Variants in MXRA7 observed in about 807,000 individuals in gnomAD.
The protein encoded by MXRA7 is matrix-remodeling-associated protein 7.
A neutral mutation model predicts 17.4 loss-of-function variants in MXRA7; 18 were observed. The observed-to-expected ratio is 1.03, with a 90% CI of 0.71 to 1.53. The LOEUF (loss-of-function observed/expected upper bound fraction) is 1.53. Among genes scored for constraint, MXRA7 ranks in the 40% most tolerant of loss-of-function variants. MXRA7 has a pLI of 0.00. For synonymous variants in MXRA7, 70 were observed against 101.7 expected, an observed-to-expected ratio of 0.69 and a Z score of 1.87; for missense variants, 141 against 209.3, an observed-to-expected ratio of 0.67 and a Z score of 2.01.
intron 1 of MXRA7, among the ~76,000 whole-genome samples, chr17:76,691,019 T>G (rs527668079): frequency 6.6e-6 from 1 of 152,332 alleles, no homozygotes; most frequent in South Asian, 2.1e-4. Flanking sequence ...GAGTGTCTTT[T>G]GTTCTAATGA....
intron 1 of MXRA7, among the ~76,000 whole-genome samples, chr17:76,696,121 A>T (rs187374722): frequency 1.3e-5 from 2 of 152,154 alleles, no homozygotes; most frequent in Non-Finnish European, 2.9e-5. Context: ...AGAAAGAAAC[A>T]GTGTGCAGAA....
Position 76,680,782 on chromosome 17 carries a change from T to A in MXRA7, c.*85A>T. 1.3e-6 allele frequency: 2 copies of A among 1,554,324 alleles called. No individual in the cohort carries two copies. The highest frequency in any genetic ancestry group is 1.7e-6 in the Non-Finnish European group (2 of 1,150,726). On this transcript the variant is annotated 3_prime_UTR_variant, in exon 4 of 4. Transcript: ENST00000449428. ...ATGCACCCTGGGAGCCTGCCCAGAC[T>A]CCTCTCTGGGGTTTCCGTTTTATCT... is the stretch of plus-strand genomic sequence containing the variant.
chr17:76,674,157 T>A (rs1052045163), exon 4 of MXRA7: 39 of 152,148 alleles, frequency 2.6e-4, no homozygotes, highest in African/African-American at 9.2e-4. Context: ...TCCATTGGGA[T>A]TGGCTTCTGT....
intron 3 of MXRA7, among the ~76,000 whole-genome samples, chr17:76,683,600 C>G (rs1039290520): frequency 2.0e-5 from 3 of 152,236 alleles, no homozygotes; most frequent in Non-Finnish European, 2.9e-5. Flanking sequence ...AACCTGCCGG[C>G]CCATTAGGCC....
intron 2 of MXRA7, among the ~76,000 whole-genome samples, chr17:76,685,925 G>A (rs1262916831): frequency 3.3e-5 from 5 of 152,224 alleles, no homozygotes; most frequent in Non-Finnish European, 5.9e-5. Context: ...AATCCAGCAG[G>A]TGTCGGGCAG....
chr17:76,692,559 T>A (rs1881175333), intron 1 of MXRA7, among the ~76,000 whole-genome samples: 1 of 151,674 alleles, frequency 6.6e-6, no homozygotes, highest in South Asian at 2.1e-4. Context: ...GGCCTGGAAG[T>A]CTGATTTTTA....
chr17:76,680,866 G>T lies in MXRA7; in HGVS notation c.*1C>A. On this transcript the variant is annotated 3_prime_UTR_variant, in exon 4 of 4. Transcript: ENST00000449428. ...TTAGGAGGACGCTAAGGATAACTTC[G>T]TTATTCTTCAGTTCTGTAAAGAGAA... is the stretch of plus-strand genomic sequence containing the variant. 6.2e-7 allele frequency: 1 copy of T among 1,610,096 alleles called. No individual in the cohort carries two copies. The highest frequency in any genetic ancestry group is 2.2e-5 in the East Asian group (1 of 44,840).
At chr17:76,708,045 T>C (rs1231537244) in intron 1 of MXRA7, among the ~76,000 whole-genome samples, 1 of 152,216 alleles carries the variant, frequency 6.6e-6, no homozygotes, top group Non-Finnish European at 1.5e-5. Flanking sequence ...ACTGATCTCA[T>C]CCCCATTTCT....
chr17:76,677,701 C>T (rs751375441), downstream of MXRA7: 27 of 1,611,910 alleles, frequency 1.7e-5, no homozygotes, highest in East Asian at 2.2e-4. Flanking sequence ...TCCTTCTGAA[C>T]TCTGTCGAGA....
intron 3 of MXRA7, 132 bp downstream of exon 3, chr17:76,684,939 GT>G: frequency 1.3e-6 from 1 of 742,142 alleles, no homozygotes; most frequent in Non-Finnish European, 2.3e-6. Flanking sequence ...TGGGGCGGTG[GT>G]TGGGCAGAGC....
intron 2 of MXRA7, among the ~76,000 whole-genome samples, chr17:76,685,957 C>T: frequency 6.6e-6 from 1 of 152,182 alleles, no homozygotes; most frequent in East Asian, 1.9e-4. Flanking sequence ...CTCTTATCGA[C>T]CTCCACTAAC....
intron 1 of MXRA7, among the ~76,000 whole-genome samples, chr17:76,701,392 G>A (rs868826939): frequency 5.3e-5 from 8 of 151,886 alleles, no homozygotes; most frequent in African/African-American, 1.2e-4. Flanking sequence ...GAGGAATGCC[G>A]GGTGGAGGGG....
chr17:76,707,195 G>A (rs1337233673), intron 1 of MXRA7, among the ~76,000 whole-genome samples: 1 of 150,262 alleles, frequency 6.7e-6, no homozygotes, highest in Non-Finnish European at 1.5e-5. Flanking sequence ...GTATTTATTT[G>A]TCATATTGCT....
chr17:76,708,911 T>A (rs1042077893), intron 1 of MXRA7, among the ~76,000 whole-genome samples: 1 of 152,178 alleles, frequency 6.6e-6, no homozygotes, highest in East Asian at 1.9e-4. Context: ...TCATGGGGGC[T>A]GCCTGGCACG....
At chr17:76,710,544 A>C in intron 1 of MXRA7, 61 bp downstream of exon 1, 4 of 1,193,126 alleles carry the variant, frequency 3.4e-6, no homozygotes, top group Non-Finnish European at 4.2e-6. Context: ...TCGGCGGGGA[A>C]CGGCAGCGGC....
intron 1 of MXRA7, among the ~76,000 whole-genome samples, chr17:76,704,314 T>A (rs1298718283): frequency 7.1e-6 from 1 of 140,566 alleles, no homozygotes; most frequent in Admixed American, 7.4e-5. Flanking sequence ...CACGCCATCC[T>A]CCTGCCTCAG....
intron 1 of MXRA7, among the ~76,000 whole-genome samples, chr17:76,694,539 G>A (rs1194370123): frequency 1.3e-5 from 2 of 152,108 alleles, no homozygotes; most frequent in East Asian, 1.9e-4. Context: ...TGGGTAACTT[G>A]TTAGGCTTTT....
At chr17:76,673,146 C>T (rs983071519) in exon 4 of MXRA7, 3 of 152,178 alleles carry the variant, frequency 2.0e-5, no homozygotes, top group Admixed American at 6.5e-5. Context: ...GCCTTTGTAC[C>T]CCACTAGTGA....
At chr17:76,708,489 G>T (rs2076686084) in intron 1 of MXRA7, among the ~76,000 whole-genome samples, 1 of 152,174 alleles carries the variant, frequency 6.6e-6, no homozygotes, top group Admixed American at 6.5e-5. Context: ...TCCCCAGGGG[G>T]CCTTTCTCCC....
Sources: gnomAD v4.1 joint callset for allele counts (sites outside exome capture counted in the v4.1 genomes callset) on GRCh38, gnomAD v4.1.1 for gene constraint, MANE v1.5 for transcripts, NCBI Gene and HGNC (gene_info 2026-07-23, HGNC 2026-07-21) for gene names.